The following C4orf50 variants were observed in gnomAD, a reference collection of about 807,000 sequenced individuals.
C4orf50 encodes chromosome 4 open reading frame 50, also known as uncharacterized protein C4orf50.
C4orf50 carries 80 observed loss-of-function variants against 77.2 expected under a neutral mutation model. The observed-to-expected ratio is 1.04, with a 90% CI of 0.87 to 1.25. C4orf50 has a LOEUF of 1.25. Ranked by LOEUF, C4orf50 falls within the 50% of genes most tolerant of loss-of-function variation. C4orf50 has a pLI of 0.00. For missense variants in C4orf50, 1,257 were observed against 1,152.9 expected (o/e 1.09, Z -1.31); for synonymous variants, 532 against 465.3 (o/e 1.14, Z -1.84).
chr4:5,983,997 A>G (rs1236758128), intron 28 of C4orf50, among the ~76,000 whole-genome samples: 1 of 152,228 alleles, frequency 6.6e-6, no homozygotes. Context: ...CACACTTCTG[A>G]GAAGATTGCA....
rs1476347349 is a variant in C4orf50, at chr4:6,011,431, GC to G, written c.426+398del. ...TCTGTAGCTCTCCTCAACTCCCCTA[GC>G]CCCCTGAACACACGCCATGGGGGAT... On this transcript the variant is annotated intron_variant, in intron 24 of 33. Transcript: ENST00000531445. The surrounding 1 kb of genome is among the most constrained non-coding windows in gnomAD (Gnocchi z 4.2). Among the ~76,000 whole-genome samples, 2 of 151,824 alleles carry G rather than the reference GC, an allele frequency of 1.3e-5. No individual in the cohort carries two copies. The highest frequency in any genetic ancestry group is 2.9e-5 in the Non-Finnish European group (2 of 67,942).
At chr4:5,980,210 G>A (rs760816300) in exon 29 of C4orf50, 35 of 1,606,282 alleles carry the variant, frequency 2.2e-5, no homozygotes, top group Middle Eastern at 1.7e-4. Context: ...GGGTGGCCTC[G>A]TCCAGAGACG....
intron 7 of C4orf50, among the ~76,000 whole-genome samples, chr4:5,914,872 A>G (rs181087975): frequency 1.7e-4 from 26 of 152,340 alleles, no homozygotes; most frequent in Admixed American, 1.1e-3. Flanking sequence ...TTTCCATCAA[A>G]TCAAAAATCA....
At chr4:5,976,369 C>T (rs1056719425) in intron 29 of C4orf50, among the ~76,000 whole-genome samples, 4 of 146,700 alleles carry the variant, frequency 2.7e-5, no homozygotes, top group Admixed American at 7.1e-5. Flanking sequence ...GGCAGGAGAA[C>T]GGCGTAAACC....
rs1722306099 is a variant in C4orf50, at chr4:6,007,803, G to T, written c.963+193C>A. The stretch of plus-strand genomic sequence containing the variant: ...AATGAGGTGGGCGTGCACTGAATGA[G>T]TATGTGAGGTTAGATGGGAGGGTGG... On this transcript the variant is annotated intron_variant, in intron 25 of 33. Coordinates refer to ENST00000531445, the Ensembl canonical transcript of C4orf50. The surrounding 1 kb of genome is among the most constrained non-coding windows in gnomAD (Gnocchi z 4.1). Among the ~76,000 whole-genome samples, 1 of 120,576 alleles carries T rather than the reference G, an allele frequency of 8.3e-6. No homozygotes were observed. Among genetic ancestry groups the T allele is most frequent in the Non-Finnish European group, 1.6e-5 (1 of 60,928 alleles). 79.1% of individuals were successfully genotyped at this position (120,576 alleles called of 152,430 possible).
At chr4:5,955,882 G>A (rs886408535), downstream of C4orf50, among the ~76,000 whole-genome samples, 2 of 152,204 alleles carry the variant, frequency 1.3e-5, no homozygotes, top group African/African-American at 4.8e-5. This position sits in a 1 kb window ranked among gnomAD's most constrained non-coding sequence, Gnocchi z 5.1. Context: ...ACAGGCGGGT[G>A]CTGGCAGGGT....
chr4:5,935,453 T>A (rs892028610), intron 7 of C4orf50, among the ~76,000 whole-genome samples: 1 of 152,198 alleles, frequency 6.6e-6, no homozygotes, highest in African/African-American at 2.4e-5. Context: ...GAGCCTGTGA[T>A]ATATTTGGGG....
chr4:5,898,221 A>C (rs1184862366), intron 7 of C4orf50: 2 of 152,180 alleles, frequency 1.3e-5, no homozygotes, highest in Admixed American at 6.5e-5. Context: ...TGCCAATGAC[A>C]CTCATGCCTC....
intron 23 of C4orf50, among the ~76,000 whole-genome samples, chr4:6,012,181 C>A (rs1722521785): frequency 1.3e-5 from 2 of 152,150 alleles, no homozygotes; most frequent in African/African-American, 4.8e-5. Context: ...CAATTAGGTA[C>A]CATGCATCAG....
chr4:5,921,830 G>A (rs756757437), intron 7 of C4orf50, among the ~76,000 whole-genome samples: 3 of 152,188 alleles, frequency 2.0e-5, no homozygotes, highest in Non-Finnish European at 2.9e-5. Context: ...TCTGACGGCC[G>A]GTGCTGGGAG....
chr4:5,975,778 C>T (rs1369414564), intron 30 of C4orf50, 121 bp downstream of exon 8: 10 of 754,932 alleles, frequency 1.3e-5, no homozygotes, highest in East Asian at 1.1e-4. Context: ...TGTGAGCCAC[C>T]GTGCCTGGCC....
At chr4:5,980,122 CG>C in intron 29 of C4orf50, 51 bp downstream of exon 7, 1 of 1,495,022 alleles carries the variant, frequency 6.7e-7, no homozygotes, top group Non-Finnish European at 9.0e-7. Flanking sequence ...CAAAACGCCC[CG>C]GGGTGTGGGA....
chr4:6,018,330 A>G lies in C4orf50; in HGVS notation c.102T>C (p.Ile34=). The change falls in exon 23 of 34, where the codon ATT becomes ATC. Residue 34 remains isoleucine (I), a synonymous_variant. Transcript: ENST00000531445. The surrounding 1 kb of genome is among the most constrained non-coding windows in gnomAD (Gnocchi z 5.1). ...TGTCCTGGAATATCCAGGATGTGTCAATCTTCACATCAACGTTCATTATGT... is the reference window on the plus strand; with the variant it reads ...TGTCCTGGAATATCCAGGATGTGTCGATCTTCACATCAACGTTCATTATGT... The G allele has an allele frequency of 2.5e-6, 1 of 398,916 alleles. No homozygotes were observed. The highest frequency in any genetic ancestry group is 4.4e-6 in the Non-Finnish European group (1 of 226,056). 24.7% of individuals were successfully genotyped at this position (398,916 alleles called of 1,614,324 possible).
chr4:6,004,420 A>G (rs201045146), intron 25 of C4orf50, among the ~76,000 whole-genome samples: 4 of 76,652 alleles, frequency 5.2e-5, no homozygotes, highest in African/African-American at 1.4e-4. Context: ...GTTGGTGATG[A>G]TGGTGATGGT....
intron 31 of C4orf50, 67 bp from the exon 10 acceptor site, chr4:5,967,529 T>G: frequency 7.1e-7 from 1 of 1,403,778 alleles, no homozygotes; most frequent in Admixed American, 1.7e-5. Context: ...CACAGAAGAC[T>G]GCAATTGGAC....
intron 7 of C4orf50, among the ~76,000 whole-genome samples, chr4:5,912,857 G>A (rs1013174459): frequency 6.6e-6 from 1 of 152,210 alleles, no homozygotes; most frequent in African/African-American, 2.4e-5. Flanking sequence ...ATGTTCTCTA[G>A]TTGTTTGACA....
exon 34 of C4orf50, chr4:5,959,019 G>A: frequency 4.4e-6 from 1 of 227,068 alleles, no homozygotes; most frequent in Non-Finnish European, 8.8e-6. Flanking sequence ...GCCAGTAGCA[G>A]TGTCCCAGCT....
Position 5,932,459 on chromosome 4 carries a change from T to C in C4orf50, c.*2474+24442A>G, listed in dbSNP as rs1451628899. ...TCAGACTGTGGTGGGAACATTACAG[T>C]GTTTGTTTGTTTTGGAGCCTGGCTG... On this transcript the variant is annotated intron_variant, in intron 7 of 7. Transcript: ENST00000324058. This position sits in a 1 kb window ranked among gnomAD's most constrained non-coding sequence, Gnocchi z 4.2. Among the ~76,000 whole-genome samples, 2 of 152,020 alleles carry C rather than the reference T, an allele frequency of 1.3e-5. No homozygotes were observed. The highest frequency in any genetic ancestry group is 2.9e-5 in the Non-Finnish European group (2 of 68,020).
At chr4:5,981,632 G>C (rs1720593959) in intron 28 of C4orf50, among the ~76,000 whole-genome samples, 2 of 151,964 alleles carry the variant, frequency 1.3e-5, no homozygotes, top group African/African-American at 4.8e-5. Context: ...TCGAACTCCA[G>C]ACCTCAGGTG....
Sources: allele counts gnomAD v4.1 joint callset (sites outside exome capture counted in the v4.1 genomes callset), GRCh38; gene constraint gnomAD v4.1.1; non-coding constraint Gnocchi (gnomAD v3.1); transcripts MANE v1.5; gene names NCBI Gene and HGNC (gene_info 2026-07-23, HGNC 2026-07-21).